Variants in DOT1L observed in about 807,000 individuals in gnomAD.
DOT1L encodes the protein DOT1 like histone lysine methyltransferase.
DOT1L carries 33 observed loss-of-function variants against 153.3 expected under a neutral mutation model. The observed-to-expected ratio is 0.22, with a 90% CI of 0.16 to 0.29. The LOEUF is 0.29. Ranked by LOEUF, DOT1L falls within the 10% of genes least tolerant of loss-of-function variation. The pLI, the probability that DOT1L is intolerant of heterozygous loss-of-function variation, is 1.00. For synonymous variants in DOT1L, 1,135 were observed against 965.1 expected, an observed-to-expected ratio of 1.18 and a Z score of -3.26; for missense variants, 1,847 against 2,119.9, an observed-to-expected ratio of 0.87 and a Z score of 2.53.
chr19:2,227,631 CTGG>C, intron 27 of DOT1L: 1 of 1,202,966 alleles, frequency 8.3e-7, no homozygotes, highest in Non-Finnish European at 1.1e-6. Flanking sequence ...CCGCACACGC[CTGG>C]CGGCGCCGTT....
intron 22 of DOT1L, among the ~76,000 whole-genome samples, chr19:2,219,283 C>G (rs2024024727): frequency 6.6e-6 from 1 of 152,220 alleles, no homozygotes; most frequent in Non-Finnish European, 1.5e-5. Context: ...GCTGGGATTC[C>G]AAGTGTCAGC....
intron 22 of DOT1L, among the ~76,000 whole-genome samples, chr19:2,219,461 C>T (rs898408826): frequency 8.5e-5 from 13 of 152,362 alleles, no homozygotes; most frequent in East Asian, 7.7e-4. Flanking sequence ...TCTCTTGGCA[C>T]GTGAGGGCAT....
Position 2,226,542 on chromosome 19 carries a change from G to T in DOT1L, c.4021G>T (p.Gly1341Cys), listed in dbSNP as rs757523728. Reference protein sequence around the residue: ...FSDGASLPHKGPEAAGLSSPL... With the variant: ...FSDGASLPHKCPEAAGLSSPL... The stretch of plus-strand genomic sequence containing the variant: ...TGATGGTGCTTCTCTTCCCCACAAG[G>T]GCCCCGAGGCGGCCGGCCTGAGCTC... The change falls in exon 27 of 28, where the codon GGC becomes TGC. Residue 1341 changes from glycine to cysteine, a missense_variant. Coordinates refer to ENST00000398665, the MANE Select transcript of DOT1L (RefSeq NM_032482.3). 2 of 1,600,624 alleles carry T rather than the reference G, an allele frequency of 1.2e-6. No homozygotes were observed. Among genetic ancestry groups the T allele is most frequent in the East Asian group, 2.2e-5 (1 of 44,864 alleles).
chr19:2,170,614 C>G (rs2144656437), intron 1 of DOT1L, among the ~76,000 whole-genome samples: 1 of 152,268 alleles, frequency 6.6e-6, no homozygotes, highest in East Asian at 1.9e-4. Context: ...CCCAAGACTC[C>G]CCCACTTTCC....
At chr19:2,205,443 C>T (rs1005781779) in intron 9 of DOT1L, among the ~76,000 whole-genome samples, 3 of 152,118 alleles carry the variant, frequency 2.0e-5, no homozygotes, top group South Asian at 4.1e-4. Flanking sequence ...CTTGCAGGTG[C>T]CTGGCTGACT....
chr19:2,201,165 C>A (rs1181155440), intron 8 of DOT1L, among the ~76,000 whole-genome samples: 1 of 141,674 alleles, frequency 7.1e-6, no homozygotes, highest in African/African-American at 2.7e-5. Context: ...CCTCATTCCT[C>A]GTCCTCCCCG....
intron 2 of DOT1L, among the ~76,000 whole-genome samples, chr19:2,182,773 G>C (rs931911730): frequency 6.6e-6 from 1 of 152,208 alleles, no homozygotes; most frequent in African/African-American, 2.4e-5. Context: ...GGAGACCCCA[G>C]GCCCCCGGAT....
At chr19:2,219,524 C>T (rs191887923) in intron 22 of DOT1L, among the ~76,000 whole-genome samples, 20 of 152,292 alleles carry the variant, frequency 1.3e-4, no homozygotes, top group African/African-American at 3.9e-4. Flanking sequence ...TGATGGACCC[C>T]GGCTTGATTC....
chr19:2,180,372 AATGGGGAGACATGTGG>A (rs1356394660), intron 1 of DOT1L, among the ~76,000 whole-genome samples: 2 of 151,554 alleles, frequency 1.3e-5, no homozygotes, highest in Non-Finnish European at 2.9e-5. Context: ...CCAGGGAAAA[AATGGGGAGACATGTGG>A]AGCGGAGCTT....
Position 2,213,942 on chromosome 19 carries a change from C to T in DOT1L, c.1753C>T (p.Leu585=), listed in dbSNP as rs1201148891. ...NQQLREQSEQ[L]EQDNRALRGQ... is the part of the protein sequence containing the mutation. The stretch of plus-strand genomic sequence containing the variant: ...GCAGCTGCGGGAGCAGTCGGAGCAG[C>T]TGGAGCAGGACAACCGCGCGCTCCG... Residue 585 remains leucine, a synonymous_variant, in exon 18 of 28, where the codon CTG becomes TTG. Transcript: ENST00000398665. 2.5e-6 allele frequency: 4 copies of T among 1,613,010 alleles called. No homozygotes were observed. The Admixed American group carries it at 5.0e-5, about 20-fold the overall frequency.
intron 18 of DOT1L, 180 bp downstream of exon 18, chr19:2,214,166 C>T: frequency 8.9e-7 from 1 of 1,125,716 alleles, no homozygotes; most frequent in Non-Finnish European, 1.2e-6. Flanking sequence ...GGCCTGGGCC[C>T]CTCGGCTGGA....
At position 2,217,144 on chromosome 19, in the gene DOT1L, C is replaced by T. The variant is rs2023938376; in HGVS notation, c.2544+54C>T. ...CAGGGAGGTGCTCAGCAGAGGCGGCCTGAGCGAGTTGCTAGCAGGAGGGCT... is the reference window on the plus strand; with the variant it reads ...CAGGGAGGTGCTCAGCAGAGGCGGCTTGAGCGAGTTGCTAGCAGGAGGGCT... On this transcript the variant is annotated intron_variant, in intron 21 of 27. Coordinates refer to ENST00000398665, the MANE Select transcript of DOT1L (RefSeq NM_032482.3). This position sits in a 1 kb window ranked among gnomAD's most constrained non-coding sequence, Gnocchi z 7.3. 6.0e-6 allele frequency: 9 copies of T among 1,512,214 alleles called. No homozygotes were observed. The highest frequency in any genetic ancestry group is 7.9e-6 in the Non-Finnish European group (9 of 1,132,432). The allele number at this position is 1,512,214 out of a possible 1,614,324, so 93.7% of individuals were successfully genotyped here. A position where few individuals can be genotyped will look rare whatever the true frequency, so the allele number is the denominator to read the frequency against.
rs1021275124 is a variant in DOT1L, at chr19:2,232,106, A to G, written c.*2314A>G. ...TGGGGATCTGGAGCCTGGTGCTGGC[A>G]CCTGGCCTGAGTTTCCGTGGGCAGC... is the stretch of plus-strand genomic sequence containing the variant. On this transcript the variant is annotated 3_prime_UTR_variant, in exon 28 of 28. Transcript: ENST00000398665. 4 of 217,458 alleles carry G rather than the reference A, an allele frequency of 1.8e-5. No individual in the cohort carries two copies. Among genetic ancestry groups the G allele is most frequent in the Non-Finnish European group, 2.8e-5 (3 of 108,322 alleles). The allele number at this position is 217,458 out of a possible 1,614,324, so 13.5% of individuals were successfully genotyped here.
intron 7 of DOT1L, among the ~76,000 whole-genome samples, chr19:2,199,205 G>C (rs1425621077): frequency 9.9e-5 from 15 of 152,254 alleles, no homozygotes; most frequent in Admixed American, 9.8e-4. Context: ...AGGTGGACTG[G>C]CGTCGGGCTG....
intron 26 of DOT1L, among the ~76,000 whole-genome samples, 196 bp from the exon 27 acceptor site, chr19:2,225,987 C>T (rs2024313033): frequency 2.0e-5 from 3 of 152,156 alleles, no homozygotes; most frequent in Admixed American, 2.0e-4. Flanking sequence ...TGTAGTCCTC[C>T]TGTCCCATCC....
intron 26 of DOT1L, 142 bp from the exon 27 acceptor site, chr19:2,226,041 C>T: frequency 2.3e-6 from 2 of 882,740 alleles, no homozygotes; most frequent in Non-Finnish European, 3.3e-6. Context: ...CCTCTCCCAT[C>T]CTGTCCCGCT....
intron 16 of DOT1L, 94 bp downstream of exon 16, chr19:2,211,936 G>C: frequency 8.2e-7 from 1 of 1,224,508 alleles, no homozygotes; most frequent in Non-Finnish European, 1.1e-6. Flanking sequence ...AGGCCCTGGA[G>C]CGCAGGCCTG....
chr19:2,184,743 G>A (rs1347246862), intron 2 of DOT1L, among the ~76,000 whole-genome samples: 1 of 152,148 alleles, frequency 6.6e-6, no homozygotes, highest in African/African-American at 2.4e-5. Context: ...TTCCGTACTC[G>A]CCCACACGGG....
chr19:2,214,188 C>T (rs111741571), intron 18 of DOT1L: 152 of 978,044 alleles, frequency 1.6e-4, no homozygotes, highest in African/African-American at 1.5e-3. Context: ...GGTTTCTCAG[C>T]GGCCCTGGGT....
Sources: gnomAD v4.1 joint callset for allele counts (sites outside exome capture counted in the v4.1 genomes callset) on GRCh38, gnomAD v4.1.1 for gene constraint, Gnocchi (gnomAD v3.1) non-coding constraint, MANE v1.5 for transcripts, NCBI Gene and HGNC (gene_info 2026-07-23, HGNC 2026-07-21) for gene names.